The following HERPUD2 variants were observed in gnomAD, a reference collection of about 807,000 sequenced individuals.
HERPUD2 encodes HERPUD family member 2.
In HERPUD2, 13 loss-of-function variants were observed where a neutral mutation model predicts 49.9. That is an observed-to-expected ratio of 0.26 (90% CI 0.17 to 0.41). The LOEUF (loss-of-function observed/expected upper bound fraction) is 0.41, where lower values mean the gene tolerates loss of function less well. HERPUD2 is among the 10% of genes least tolerant of loss of function. The pLI is 1.00. For synonymous variants in HERPUD2, 172 were observed against 171.4 expected, an observed-to-expected ratio of 1.00 and a Z score of -0.03; for missense variants, 449 against 492.2, an observed-to-expected ratio of 0.91 and a Z score of 0.83.
At chr7:35,651,623 G>T (rs941228920) in intron 5 of HERPUD2, among the ~76,000 whole-genome samples, 9 of 151,946 alleles carry the variant, frequency 5.9e-5, no homozygotes, top group Admixed American at 1.3e-4. Context: ...ACTGAAGAAG[G>T]ACTGTTATAC....
intron 2 of HERPUD2, among the ~76,000 whole-genome samples, chr7:35,688,033 A>G (rs1786102302): frequency 6.6e-6 from 1 of 152,208 alleles, no homozygotes; most frequent in African/African-American, 2.4e-5. Context: ...AGTAAAGGCA[A>G]TCTTCAACTT....
intron 3 of HERPUD2, among the ~76,000 whole-genome samples, chr7:35,672,143 T>A (rs2115973060): frequency 6.6e-6 from 1 of 152,120 alleles, no homozygotes; most frequent in South Asian, 2.1e-4. Context: ...ACAAATGTAC[T>A]ACTTTGGTGT....
At chr7:35,680,007 C>A (rs769937242) in intron 2 of HERPUD2, among the ~76,000 whole-genome samples, 21 of 152,200 alleles carry the variant, frequency 1.4e-4, no homozygotes, top group Non-Finnish European at 2.9e-4. Context: ...ACCTACACTG[C>A]CATTACCCTA....
chr7:35,681,357 G>A (rs1375753478), intron 2 of HERPUD2, among the ~76,000 whole-genome samples: 1 of 152,086 alleles, frequency 6.6e-6, no homozygotes, highest in Non-Finnish European at 1.5e-5. Context: ...TTCCTACATT[G>A]CTGGTAGGAA....
intron 5 of HERPUD2, among the ~76,000 whole-genome samples, chr7:35,652,851 C>T (rs1321240839): frequency 4.6e-5 from 7 of 152,030 alleles, no homozygotes; most frequent in South Asian, 4.2e-4. Flanking sequence ...ACCACTAGGC[C>T]GGCCCTCCAA....
chr7:35,663,379 T>C (rs1270872413), intron 5 of HERPUD2, among the ~76,000 whole-genome samples: 1 of 152,208 alleles, frequency 6.6e-6, no homozygotes, highest in African/African-American at 2.4e-5. Flanking sequence ...GTATATTCTG[T>C]TGTTTTGGAG....
chr7:35,645,991 TTAATC>T (rs1406148644), intron 5 of HERPUD2, among the ~76,000 whole-genome samples: 1 of 152,204 alleles, frequency 6.6e-6, no homozygotes, highest in African/African-American at 2.4e-5. Context: ...AATTGCCTGT[TTAATC>T]TACTGTCTCT....
At chr7:35,636,133 G>A (rs543030364) in intron 6 of HERPUD2, among the ~76,000 whole-genome samples, 1 of 152,212 alleles carries the variant, frequency 6.6e-6, no homozygotes, top group African/African-American at 2.4e-5. Context: ...AATATATCTT[G>A]GATTTGCTTT....
At chr7:35,668,393 A>G (rs1224142828) in intron 4 of HERPUD2, 1 of 152,544 alleles carries the variant, frequency 6.6e-6, no homozygotes, top group Non-Finnish European at 1.5e-5. Context: ...AGACCATCCC[A>G]ATTTGTTTGA....
intron 2 of HERPUD2, among the ~76,000 whole-genome samples, chr7:35,689,358 T>C (rs1786133326): frequency 6.6e-6 from 1 of 152,196 alleles, no homozygotes; most frequent in Non-Finnish European, 1.5e-5. Context: ...TTAAATGTAT[T>C]AAAATCTTAT....
chr7:35,688,995 C>T (rs1319814610), intron 2 of HERPUD2, among the ~76,000 whole-genome samples: 1 of 152,040 alleles, frequency 6.6e-6, no homozygotes, highest in African/African-American at 2.4e-5. Context: ...TATTATAATG[C>T]CTGGTACACA....
chr7:35,636,161 G>A (rs1172177996), intron 6 of HERPUD2, among the ~76,000 whole-genome samples: 1 of 152,190 alleles, frequency 6.6e-6, no homozygotes, highest in Non-Finnish European at 1.5e-5. Flanking sequence ...CCAACAGAAG[G>A]AAGAAAGTTG....
At chr7:35,654,862 T>C (rs879637966) in intron 5 of HERPUD2, among the ~76,000 whole-genome samples, 4 of 151,870 alleles carry the variant, frequency 2.6e-5, no homozygotes, top group Non-Finnish European at 5.9e-5. Context: ...GTTTTATTTA[T>C]TTATTTATTT....
chr7:35,664,715 T>C (rs1185786252), intron 5 of HERPUD2, among the ~76,000 whole-genome samples: 2 of 152,220 alleles, frequency 1.3e-5, no homozygotes, highest in African/African-American at 4.8e-5. Context: ...ATCACGTAGT[T>C]CTTGTGCCAT....
intron 2 of HERPUD2, 57 bp downstream of exon 2, chr7:35,694,127 T>A: frequency 1.3e-6 from 2 of 1,591,672 alleles, no homozygotes; most frequent in South Asian, 2.2e-5. Flanking sequence ...AAAAGGAGGG[T>A]ACACGGCACG....
intron 5 of HERPUD2, among the ~76,000 whole-genome samples, chr7:35,661,975 A>C (rs1206840781): frequency 6.6e-6 from 1 of 152,196 alleles, no homozygotes; most frequent in Non-Finnish European, 1.5e-5. Flanking sequence ...GAATGCTTCC[A>C]GTTTTTGCCC....
intron 2 of HERPUD2, 76 bp from the exon 3 acceptor site, chr7:35,673,354 T>C (rs1785684839): frequency 3.7e-6 from 4 of 1,095,590 alleles, no homozygotes; most frequent in Admixed American, 4.0e-5. Context: ...CATGCCTAAT[T>C]ATGGGTAAAA....
chr7:35,670,661 T>C (rs1458686513), intron 3 of HERPUD2, among the ~76,000 whole-genome samples: 1 of 152,106 alleles, frequency 6.6e-6, no homozygotes, highest in East Asian at 1.9e-4. Context: ...TCTAGCACCT[T>C]AAACTTTTTA....
In HERPUD2 at chr7:35,647,086, G is replaced by A. The variant is rs1785067688; in HGVS notation, c.495-8614C>T. 2.0e-5 allele frequency among the ~76,000 whole-genome samples: 3 copies of A among 152,180 alleles called. No homozygotes were observed. In the South Asian group the frequency reaches 6.2e-4, roughly 32 times the overall value. On this transcript the variant is annotated intron_variant, in intron 5 of 8. Transcript: ENST00000311350. ...AAAGTTAAAATTACAGAGGAGAAGA[G>A]ATTAAAGGAACTGGAAACTTCAGGA...
Sources: allele counts gnomAD v4.1 joint callset (sites outside exome capture counted in the v4.1 genomes callset), GRCh38; gene constraint gnomAD v4.1.1; transcripts MANE v1.5; gene names NCBI Gene and HGNC (gene_info 2026-07-23, HGNC 2026-07-21).